Variants in DPEP2 observed in about 807,000 individuals in gnomAD.
DPEP2 encodes the protein dipeptidase 2.
DPEP2 carries 45 observed loss-of-function variants against 51.8 expected under a neutral mutation model. The ratio of observed to expected loss-of-function variants is 0.87; its 90% CI spans 0.68 to 1.11. The LOEUF (loss-of-function observed/expected upper bound fraction) is 1.11. Among genes scored for constraint, DPEP2 ranks in the 50% most tolerant of loss-of-function variants. The probability of loss-of-function intolerance (pLI) is 0.00; values close to 1 mark genes in which losing one functional copy is unlikely to be tolerated. For missense variants in DPEP2, 604 were observed against 631.9 expected (o/e 0.96, Z 0.47); for synonymous variants, 255 against 262.7 (o/e 0.97, Z 0.28).
intron 1 of DPEP2, among the ~76,000 whole-genome samples, chr16:67,995,205 T>A (rs893777393): frequency 4.0e-5 from 6 of 151,882 alleles, no homozygotes; most frequent in Non-Finnish European, 8.8e-5. Context: ...TGGGCTTTTT[T>A]TTTATTTTTT....
chr16:67,993,807 G>T, intron 1 of DPEP2: 4 of 985,698 alleles, frequency 4.1e-6, no homozygotes, highest in Non-Finnish European at 4.8e-6. Context: ...GGAAATGAGG[G>T]GTTAACCCTG....
chr16:67,993,812 A>G lies in DPEP2; in HGVS notation c.-45-555T>C, dbSNP rs79331629. 1,382 of 985,462 alleles carry G rather than the reference A, an allele frequency of 1.4e-3. 16 individuals carry two copies. In the African/African-American group the frequency reaches 0.022, roughly 15 times the overall value. 61.0% of individuals were successfully genotyped at this position (985,462 alleles called of 1,614,324 possible). A position where few individuals can be genotyped will look rare whatever the true frequency, so the allele number is the denominator to read the frequency against. On this transcript the variant is annotated intron_variant, in intron 1 of 10. Coordinates refer to ENST00000393847, the MANE Select transcript of DPEP2 (RefSeq NM_022355.4). The stretch of plus-strand genomic sequence containing the variant: ...GATAGGCTCTGGAAATGAGGGGTTA[A>G]CCCTGTGGACTGGATTCAGGAAGGG...
At chr16:67,993,470 C>T (rs982139058) in intron 1 of DPEP2, 1 of 1,239,038 alleles carries the variant, frequency 8.1e-7, no homozygotes, top group African/African-American at 1.6e-5. Context: ...CTGGGCGGAT[C>T]CCTGTCCTGG....
intron 1 of DPEP2, chr16:67,993,496 C>T: frequency 8.3e-7 from 1 of 1,208,802 alleles, no homozygotes; most frequent in South Asian, 3.3e-5. Context: ...CACTCGCGGC[C>T]TGTCTTAGGG....
At chr16:67,999,544 A>G (rs1567456968), upstream of DPEP2, 1 of 983,864 alleles carries the variant, frequency 1.0e-6, no homozygotes, top group African/African-American at 1.7e-5. Flanking sequence ...TAGGGGGAGG[A>G]TAGGCCTCCT....
At chr16:67,998,952 C>T (rs2151392770) in intron 1 of DPEP2, among the ~76,000 whole-genome samples, 1 of 152,232 alleles carries the variant, frequency 6.6e-6, no homozygotes, top group East Asian at 1.9e-4. Flanking sequence ...CACCAATCAG[C>T]ACCCTGTCAA....
intron 1 of DPEP2, among the ~76,000 whole-genome samples, chr16:67,998,330 C>T (rs1304328709): frequency 1.3e-5 from 2 of 152,156 alleles, no homozygotes; most frequent in Non-Finnish European, 1.5e-5. Flanking sequence ...CCCTGCTGGC[C>T]CCGGGCAATG....
rs756432860 is a variant in DPEP2, at chr16:67,987,859, A to G, written c.1199T>C (p.Val400Ala). ...RGNLLRVFRQVEKVQEENKWQ... is the reference protein window; with the variant it reads ...RGNLLRVFRQAEKVQEENKWQ... ...TTGCCCAGCCCAGAGTACCTTTTCC[A>G]CTTGTCTGAAGACCCGCAGCAGGTT... is the stretch of plus-strand genomic sequence containing the variant. The change falls in exon 10 of 11, where the codon GTG becomes GCG. Residue 400 changes from valine (V) to alanine (A), a missense_variant. Physicochemically the swap from Val to Ala is moderately conservative, Grantham distance 64. Coordinates refer to ENST00000393847, the MANE Select transcript of DPEP2 (RefSeq NM_022355.4). The G allele has an allele frequency of 5.6e-6, 9 of 1,613,916 alleles. 1 individual carries two copies. In the South Asian group the frequency reaches 8.8e-5, roughly 16 times the overall value.
chr16:67,989,904 GGCTGCA>G, intron 8 of DPEP2, 137 bp downstream of exon 8: 1 of 811,154 alleles, frequency 1.2e-6, no homozygotes, highest in Non-Finnish European at 2.0e-6. Flanking sequence ...CTGACTCTGT[GGCTGCA>G]GCTCCATGTG....
chr16:67,998,356 G>A (rs2151391894), intron 1 of DPEP2, among the ~76,000 whole-genome samples: 1 of 152,282 alleles, frequency 6.6e-6, no homozygotes, highest in South Asian at 2.1e-4. Context: ...CTTGGCACCC[G>A]GGCCAGTGGC....
chr16:67,991,864 C>G lies in DPEP2; in HGVS notation c.636G>C (p.Thr212=). 1 of 1,614,116 alleles carries G rather than the reference C, an allele frequency of 6.2e-7. No homozygotes were observed. Among genetic ancestry groups the G allele is most frequent in the Non-Finnish European group, 8.5e-7 (1 of 1,180,014 alleles). ...TFYMLGVRYL[T]LTHTCNTPWA... ...AGGGTGTGTTGCAGGTGTGGGTGAG[C>G]GTCAGGTAGCGCACTCCCAGCATGT... Residue 212 remains threonine, a synonymous_variant, in exon 5 of 11, where the codon ACG becomes ACC. Transcript: ENST00000393847. The surrounding 1 kb of genome is among the most constrained non-coding windows in gnomAD (Gnocchi z 5.1).
chr16:67,997,230 G>A (rs191406141), intron 1 of DPEP2, among the ~76,000 whole-genome samples: 65 of 150,958 alleles, frequency 4.3e-4, no homozygotes, highest in African/African-American at 1.2e-3. Context: ...ATGGGGTTTT[G>A]CCATGTTGGC....
rs2032416366 is a variant in DPEP2 at position 67,993,232 on chromosome 16, G to A, written c.-20C>T. The stretch of plus-strand genomic sequence containing the variant: ...CTGCATGTTGTGCAGGGCCGGGCAG[G>A]CAGGCAGGGGTGGCAGTCAGAGAGC... On this transcript the variant is annotated 5_prime_UTR_variant, in exon 2 of 11. Coordinates refer to ENST00000393847, the MANE Select transcript of DPEP2 (RefSeq NM_022355.4). The A allele has an allele frequency of 7.0e-7, 1 of 1,420,762 alleles. No homozygotes were observed. Among genetic ancestry groups the A allele is most frequent in the East Asian group, 2.7e-5 (1 of 37,068 alleles). 88.0% of individuals were successfully genotyped at this position (1,420,762 alleles called of 1,614,324 possible). A position where few individuals can be genotyped will look rare whatever the true frequency, so the allele number is the denominator to read the frequency against.
upstream of DPEP2, chr16:68,000,325 G>A (rs1365683306): frequency 3.9e-6 from 2 of 514,696 alleles, no homozygotes; most frequent in African/African-American, 2.1e-5. Flanking sequence ...CAGCTCACTC[G>A]CCCCTACTCA....
intron 1 of DPEP2, among the ~76,000 whole-genome samples, chr16:67,998,928 A>C (rs927371562): frequency 1.2e-4 from 19 of 152,158 alleles, no homozygotes; most frequent in African/African-American, 4.6e-4. Flanking sequence ...TGTCTAGCTC[A>C]GGGATTGTAA....
chr16:67,988,193 T>A, intron 9 of DPEP2: 3 of 596,944 alleles, frequency 5.0e-6, no homozygotes, highest in Non-Finnish European at 2.9e-6. Context: ...TGAATCATAC[T>A]ATTAAGATCT....
chr16:67,991,797 C>T lies in DPEP2; in HGVS notation c.662+41G>A. ...CACAGTGACCTCAGGCAGATCTCTG[C>T]CCCTGCCTCAGCGGTCCCACACCAT... On this transcript the variant is annotated intron_variant, in intron 5 of 10. Transcript: ENST00000393847. The surrounding 1 kb of genome is among the most constrained non-coding windows in gnomAD (Gnocchi z 5.1). 6.2e-7 allele frequency: 1 copy of T among 1,604,492 alleles called. No individual in the cohort carries two copies. Among genetic ancestry groups the T allele is most frequent in the Non-Finnish European group, 8.5e-7 (1 of 1,173,930 alleles).
rs2032070294 is a variant in DPEP2 at position 67,990,973 on chromosome 16, G to C, written c.757C>G (p.Leu253Val). Reference protein sequence around the residue: ...GEKVVAEMNRLGMMVDLSHVS... With the variant: ...GEKVVAEMNRVGMMVDLSHVS... Reference sequence around the variant, plus strand: ...TGGGATAAGTCTACCATCATGCCCAGGCGGTTCATTTCTGCCACCACCTTC... The same window carrying C: ...TGGGATAAGTCTACCATCATGCCCACGCGGTTCATTTCTGCCACCACCTTC... Residue 253 changes from leucine (L) to valine (V), a missense_variant, in exon 7 of 11, where the codon CTG becomes GTG. Physicochemically the swap from Leu to Val is conservative, Grantham distance 32. Transcript: ENST00000393847. 1.9e-6 allele frequency: 3 copies of C among 1,614,172 alleles called. No homozygotes were observed. Among genetic ancestry groups the C allele is most frequent in the Non-Finnish European group, 2.5e-6 (3 of 1,179,976 alleles).
chr16:67,992,509 C>A lies in DPEP2; in HGVS notation c.390+1G>T. The A allele has an allele frequency of 6.2e-7, 1 of 1,609,916 alleles. No individual in the cohort carries two copies. The highest frequency in any genetic ancestry group is 1.1e-5 in the South Asian group (1 of 90,816). ...TGGCACCTCGTGTATCCCTGTGGTACCTGGGCGCCCACGAGGCCATCTCTA... is the reference window on the plus strand; with the variant it reads ...TGGCACCTCGTGTATCCCTGTGGTAACTGGGCGCCCACGAGGCCATCTCTA... On this transcript the variant is annotated splice_donor_variant, in intron 3 of 10. Transcript: ENST00000393847. LOFTEE classifies it high-confidence loss of function.
Sources: gnomAD v4.1 joint callset for allele counts (sites outside exome capture counted in the v4.1 genomes callset) on GRCh38, gnomAD v4.1.1 for gene constraint, Gnocchi (gnomAD v3.1) non-coding constraint, MANE v1.5 for transcripts, NCBI Gene and HGNC (gene_info 2026-07-23, HGNC 2026-07-21) for gene names.